Variants in STOX2 observed in about 807,000 individuals in gnomAD.
STOX2 encodes the protein storkhead box 2.
Under a neutral mutation model 60.9 loss-of-function variants are expected in STOX2, and 28 were observed. The observed-to-expected ratio is 0.46, with a 90% confidence interval of 0.34 to 0.63. STOX2 has a LOEUF of 0.63. Ranked by LOEUF, STOX2 falls within the 30% of genes least tolerant of loss-of-function variation. The pLI, the probability that STOX2 is intolerant of heterozygous loss-of-function variation, is 0.01. For synonymous variants in STOX2, 472 were observed against 463.9 expected (o/e 1.02, Z -0.22); for missense variants, 1,024 against 1,187.7 (o/e 0.86, Z 2.03).
intron 1 of STOX2, among the ~76,000 whole-genome samples, chr4:183,951,440 C>G (rs1380260236): frequency 1.5e-5 from 2 of 131,398 alleles, no homozygotes; most frequent in South Asian, 4.8e-4. Flanking sequence ...CAGTCTCTCT[C>G]TCTCTTTTTT....
chr4:183,937,691 C>T (rs373979557), intron 1 of STOX2, among the ~76,000 whole-genome samples: 39 of 152,104 alleles, frequency 2.6e-4, no homozygotes, highest in African/African-American at 8.2e-4. Context: ...TTGTTCACAA[C>T]GTGTGGCGTT....
At position 183,879,818 on chromosome 4, in the gene STOX2, TG is replaced by T. The variant is rs371852619; in HGVS notation, c.364+81767del. 3.3e-4 allele frequency among the ~76,000 whole-genome samples: 48 copies of T among 145,924 alleles called. 1 individual carries two copies. In the East Asian group the frequency reaches 7.4e-3, roughly 23 times the overall value. On this transcript the variant is annotated intron_variant, in intron 1 of 2. Coordinates refer to the STOX2 transcript ENST00000513034. The stretch of plus-strand genomic sequence containing the variant: ...GGATGCTAAATACAGGGAAGAGGGG[TG>T]GGGTGTACTTGAGAAGAACGTGGGG...
rs1741617003 is a variant in STOX2, at chr4:183,906,604, C to A, written c.-187C>A. On this transcript the variant is annotated 5_prime_UTR_variant, in exon 1 of 4. Transcript: ENST00000308497. ...ACGTGTGTAAAATCGGAGCCTTCGC[C>A]GTGGGGGTGTGGGGGGGCGTGGGGA... 5.1e-6 allele frequency: 3 copies of A among 585,340 alleles called. No homozygotes were observed. Among genetic ancestry groups the A allele is most frequent in the East Asian group, 3.0e-5 (1 of 33,094 alleles). The allele number at this position is 585,340 out of a possible 1,614,324, so 36.3% of individuals were successfully genotyped here.
Position 184,010,768 on chromosome 4 carries a change from C to G in STOX2, c.1930C>G (p.Pro644Ala). ...GCTCTCCCCTTCTGATAGGCAGGTC[C>G]CCCACTCCTCCAGGGAGCCTGTGGG... ...KKLSPSDRQV[P>A]HSSREPVGHK... Residue 644 changes from proline (P) to alanine (A), a missense_variant, in exon 3 of 4, where the codon CCC becomes GCC. Coordinates refer to ENST00000308497, the MANE Select transcript of STOX2 (RefSeq NM_020225.3). This position sits in a 1 kb window ranked among gnomAD's most constrained non-coding sequence, Gnocchi z 4.5. 1.3e-6 allele frequency: 2 copies of G among 1,581,020 alleles called. No homozygotes were observed. The highest frequency in any genetic ancestry group is 1.7e-6 in the Non-Finnish European group (2 of 1,164,464).
upstream of STOX2, among the ~76,000 whole-genome samples, chr4:183,900,324 A>T (rs1741435410): frequency 6.6e-6 from 1 of 152,172 alleles, no homozygotes; most frequent in African/African-American, 2.4e-5. Flanking sequence ...AAGTCTCATT[A>T]TTTAAGAAAT....
At chr4:183,959,824 G>A (rs576304066) in intron 1 of STOX2, among the ~76,000 whole-genome samples, 2 of 152,230 alleles carry the variant, frequency 1.3e-5, no homozygotes, top group South Asian at 2.1e-4. Context: ...GCTTTGCTGC[G>A]GAGTAGGTTT....
In STOX2 at chr4:183,906,760, A is replaced by C; in HGVS notation, c.-31A>C. On this transcript the variant is annotated 5_prime_UTR_variant, in exon 1 of 4. Transcript: ENST00000308497. ...GCTGCGCCCCGGCGCTGAGGCCCCG[A>C]GGATCGGGGCGGCAGGTCGCCCTCC... 1.3e-6 allele frequency: 2 copies of C among 1,488,900 alleles called. No individual in the cohort carries two copies. The highest frequency in any genetic ancestry group is 1.8e-6 in the Non-Finnish European group (2 of 1,112,854). The allele number at this position is 1,488,900 out of a possible 1,614,324, so 92.2% of individuals were successfully genotyped here.
chr4:183,851,117 G>A lies in STOX2; in HGVS notation c.364+53062G>A, dbSNP rs1372649789. 1.1e-3 allele frequency among the ~76,000 whole-genome samples: 57 copies of A among 50,172 alleles called. 1 individual carries two copies. Among genetic ancestry groups the A allele is most frequent in the South Asian group, 4.2e-3 (3 of 722 alleles). The allele number at this position is 50,172 out of a possible 152,430, so 32.9% of individuals were successfully genotyped here. A position where few individuals can be genotyped will look rare whatever the true frequency, so the allele number is the denominator to read the frequency against. ...GGGAAACGATGAGGGAAACGATGAGGGAAAGGATGAGGGAAACGATGAGGG... is the reference window on the plus strand; with the variant it reads ...GGGAAACGATGAGGGAAACGATGAGAGAAAGGATGAGGGAAACGATGAGGG... On this transcript the variant is annotated intron_variant, in intron 1 of 2. Transcript: ENST00000513034.
intron 1 of STOX2, among the ~76,000 whole-genome samples, chr4:183,967,730 T>C (rs1211928927): frequency 6.6e-6 from 1 of 152,236 alleles, no homozygotes; most frequent in East Asian, 1.9e-4. Flanking sequence ...AAAGTAGTTA[T>C]AATCCTGTGT....
At chr4:183,889,665 G>C (rs1741161776) in intron 1 of STOX2, among the ~76,000 whole-genome samples, 1 of 152,236 alleles carries the variant, frequency 6.6e-6, no homozygotes, top group Non-Finnish European at 1.5e-5. Flanking sequence ...TCGAGTCAGA[G>C]GGCCCAGCCC....
intron 1 of STOX2, among the ~76,000 whole-genome samples, chr4:183,980,900 A>G (rs1279269575): frequency 6.6e-6 from 1 of 152,164 alleles, no homozygotes; most frequent in Non-Finnish European, 1.5e-5. Context: ...CAGAGAGGAT[A>G]ACTCAGTTCT....
At chr4:184,006,871 C>A (rs1733866559) in intron 2 of STOX2, among the ~76,000 whole-genome samples, 1 of 150,368 alleles carries the variant, frequency 6.7e-6, no homozygotes, top group South Asian at 2.1e-4. Flanking sequence ...AAAAAATTAG[C>A]TGGGCGTAGT....
At chr4:183,902,506 C>T (rs558547276), upstream of STOX2, among the ~76,000 whole-genome samples, 64 of 152,160 alleles carry the variant, frequency 4.2e-4, no homozygotes, top group African/African-American at 1.5e-3. Flanking sequence ...CTTACAAAAC[C>T]GAGCTTGCTT....
intron 1 of STOX2, among the ~76,000 whole-genome samples, chr4:183,941,243 C>T (rs536374117): frequency 2.0e-5 from 3 of 152,118 alleles, no homozygotes; most frequent in Admixed American, 1.3e-4. Context: ...CCTTTTGGTT[C>T]TCCTACTCTT....
chr4:183,891,172 C>G (rs1416248608), intron 1 of STOX2, among the ~76,000 whole-genome samples: 1 of 151,808 alleles, frequency 6.6e-6, no homozygotes, highest in African/African-American at 2.4e-5. Flanking sequence ...GGTTAACCAC[C>G]TGTCAGAATT....
upstream of STOX2, among the ~76,000 whole-genome samples, chr4:183,900,476 TCAA>T (rs201744838): frequency 0.017 from 2,578 of 152,220 alleles, 66 homozygotes; most frequent in African/African-American, 0.058. Context: ...GGTCAGAATA[TCAA>T]CATTAACAGG....
At chr4:183,889,261 C>T (rs1044749353) in intron 1 of STOX2, among the ~76,000 whole-genome samples, 2 of 151,924 alleles carry the variant, frequency 1.3e-5, no homozygotes, top group African/African-American at 4.8e-5. Context: ...GGCCCTCATC[C>T]AGCATGACTG....
intron 1 of STOX2, among the ~76,000 whole-genome samples, chr4:183,854,638 A>T (rs774765066): frequency 6.6e-6 from 1 of 152,352 alleles, no homozygotes; most frequent in East Asian, 1.9e-4. Context: ...ATAGAGTTAC[A>T]TCCATGTAAA....
intron 1 of STOX2, among the ~76,000 whole-genome samples, chr4:183,927,994 C>T (rs1420740624): frequency 6.6e-6 from 1 of 152,178 alleles, no homozygotes; most frequent in Non-Finnish European, 1.5e-5. Context: ...GTGATAGGAC[C>T]AGCATGATGG....
Sources: allele counts gnomAD v4.1 joint callset (sites outside exome capture counted in the v4.1 genomes callset), GRCh38; gene constraint gnomAD v4.1.1; non-coding constraint Gnocchi (gnomAD v3.1); transcripts MANE v1.5; gene names NCBI Gene and HGNC (gene_info 2026-07-23, HGNC 2026-07-21).